Variants in SLC35F4 observed in about 807,000 individuals in gnomAD.
SLC35F4 encodes chromosome 14 open reading frame 36.
In SLC35F4, 24 loss-of-function variants were observed where a neutral mutation model predicts 44.2. The observed-to-expected ratio is 0.54, with a 90% CI of 0.39 to 0.76. SLC35F4 has a LOEUF of 0.76. Among genes scored for constraint, SLC35F4 ranks in the 30% least tolerant of loss-of-function variants. The pLI is 0.00. For synonymous variants in SLC35F4, 238 were observed against 223.6 expected, an observed-to-expected ratio of 1.06 and a Z score of -0.57; for missense variants, 562 against 586.1, an observed-to-expected ratio of 0.96 and a Z score of 0.42.
At chr14:57,618,580 G>A (rs755732861) in intron 1 of SLC35F4, among the ~76,000 whole-genome samples, 2 of 152,138 alleles carry the variant, frequency 1.3e-5, no homozygotes, top group East Asian at 3.9e-4. Context: ...ACACCACCAG[G>A]GCCCTGGATT....
intron 1 of SLC35F4, among the ~76,000 whole-genome samples, chr14:57,814,112 A>G (rs1034526926): frequency 3.9e-5 from 6 of 152,112 alleles, no homozygotes; most frequent in African/African-American, 1.2e-4. Context: ...TAAATAGTAA[A>G]CTTCTGAAAG....
chr14:57,579,843 G>A (rs1376244339), intron 4 of SLC35F4, among the ~76,000 whole-genome samples: 1 of 152,136 alleles, frequency 6.6e-6, no homozygotes, highest in South Asian at 2.1e-4. Context: ...CTCTGTTGTT[G>A]TTATCTTAAA....
intron 1 of SLC35F4, among the ~76,000 whole-genome samples, chr14:57,863,171 T>A (rs747299067): frequency 9.2e-5 from 14 of 152,240 alleles, no homozygotes; most frequent in Non-Finnish European, 1.8e-4. Context: ...CCACCTTTAA[T>A]CATCTTTGTA....
Position 57,616,449 on chromosome 14 carries a change from A to G in SLC35F4, c.104-22325T>C, listed in dbSNP as rs143592517. 1.6e-3 allele frequency among the ~76,000 whole-genome samples: 247 copies of G among 152,312 alleles called. 1 individual carries two copies. The highest frequency in any genetic ancestry group is 5.5e-3 in the African/African-American group (227 of 41,576). Reference sequence around the variant, plus strand: ...AAGTTGTGAATGTTTGAACTTTGTGATGTACATGCTCCCCTAGTAAAAAGC... The same window carrying G: ...AAGTTGTGAATGTTTGAACTTTGTGGTGTACATGCTCCCCTAGTAAAAAGC... On this transcript the variant is annotated intron_variant, in intron 1 of 7. Transcript: ENST00000556826.
At chr14:57,904,158 G>C (rs1307173757) in intron 1 of SLC35F4, among the ~76,000 whole-genome samples, 1 of 152,138 alleles carries the variant, frequency 6.6e-6, no homozygotes, top group African/African-American at 2.4e-5. Flanking sequence ...ATTTAAGCCT[G>C]GTCTGCACAA....
At chr14:57,912,248 A>G (rs961967619) in intron 1 of SLC35F4, among the ~76,000 whole-genome samples, 3 of 151,980 alleles carry the variant, frequency 2.0e-5, no homozygotes, top group Non-Finnish European at 4.4e-5. Flanking sequence ...TATTTTCAGT[A>G]TCACTAATTT....
intron 1 of SLC35F4, among the ~76,000 whole-genome samples, chr14:57,673,578 A>AT (rs775085498): frequency 2.6e-4 from 40 of 152,052 alleles, no homozygotes; most frequent in Non-Finnish European, 5.7e-4. Flanking sequence ...AGGGCAGCCT[A>AT]TCCCTATTCC....
chr14:57,873,971 A>G (rs921839364), intron 1 of SLC35F4, among the ~76,000 whole-genome samples: 3 of 152,228 alleles, frequency 2.0e-5, no homozygotes, highest in African/African-American at 7.2e-5. Context: ...CCATGACAAC[A>G]AGCACATAAA....
chr14:57,674,528 AAAAAG>A (rs1427593367), intron 1 of SLC35F4, among the ~76,000 whole-genome samples: 2 of 152,176 alleles, frequency 1.3e-5, no homozygotes, highest in African/African-American at 2.4e-5. Flanking sequence ...GCTCAGCAAT[AAAAAG>A]AAAAGAATTA....
chr14:57,705,111 T>C (rs993330049), intron 1 of SLC35F4, among the ~76,000 whole-genome samples: 1 of 152,166 alleles, frequency 6.6e-6, no homozygotes, highest in African/African-American at 2.4e-5. Flanking sequence ...GAGAATCAAA[T>C]GAATTAATAT....
At chr14:57,910,524 C>T (rs1340622564) in intron 1 of SLC35F4, among the ~76,000 whole-genome samples, 1 of 151,940 alleles carries the variant, frequency 6.6e-6, no homozygotes, top group African/African-American at 2.4e-5. Context: ...GAATGGATGT[C>T]CTGTTGTTCT....
intron 2 of SLC35F4, among the ~76,000 whole-genome samples, chr14:57,592,580 G>C (rs1355879191): frequency 6.6e-6 from 1 of 152,164 alleles, no homozygotes; most frequent in African/African-American, 2.4e-5. Flanking sequence ...TGGGGTAATA[G>C]GAATATTGCA....
intron 1 of SLC35F4, among the ~76,000 whole-genome samples, chr14:57,887,096 G>A (rs913480596): frequency 6.6e-6 from 1 of 152,214 alleles, no homozygotes; most frequent in Non-Finnish European, 1.5e-5. Context: ...TGTGGGGAAT[G>A]CAGGAATAAA....
chr14:57,660,100 C>T (rs2074091199), intron 1 of SLC35F4, among the ~76,000 whole-genome samples: 1 of 152,182 alleles, frequency 6.6e-6, no homozygotes, highest in South Asian at 2.1e-4. Flanking sequence ...ACTTGCATAT[C>T]TATTTGTGAG....
At chr14:57,814,122 G>A (rs896079048) in intron 1 of SLC35F4, among the ~76,000 whole-genome samples, 1 of 152,144 alleles carries the variant, frequency 6.6e-6, no homozygotes, top group Non-Finnish European at 1.5e-5. Context: ...ACTTCTGAAA[G>A]GCAGAAAATG....
intron 1 of SLC35F4, among the ~76,000 whole-genome samples, chr14:57,756,922 A>G (rs552298684): frequency 3.3e-5 from 5 of 152,148 alleles, no homozygotes; most frequent in East Asian, 1.9e-4. Flanking sequence ...ATGGCCTCCC[A>G]AAGTGTTGGG....
intron 5 of SLC35F4, among the ~76,000 whole-genome samples, chr14:57,570,805 T>C (rs1384618988): frequency 6.6e-6 from 1 of 152,230 alleles, no homozygotes; most frequent in Admixed American, 6.5e-5. Flanking sequence ...TCTGGTCATA[T>C]AGCAATCCCA....
At chr14:57,633,668 C>A (rs991637029) in intron 1 of SLC35F4, among the ~76,000 whole-genome samples, 5 of 152,078 alleles carry the variant, frequency 3.3e-5, no homozygotes, top group African/African-American at 1.2e-4. Flanking sequence ...CAAACTCTCT[C>A]ACGCTTTCCC....
At chr14:57,713,495 C>T (rs186616709) in intron 1 of SLC35F4, among the ~76,000 whole-genome samples, 1 of 152,322 alleles carries the variant, frequency 6.6e-6, no homozygotes, top group African/African-American at 2.4e-5. Context: ...CACACCTTTA[C>T]ACCATCAAAC....
Sources: gnomAD v4.1 joint callset for allele counts (sites outside exome capture counted in the v4.1 genomes callset) on GRCh38, gnomAD v4.1.1 for gene constraint, MANE v1.5 for transcripts, NCBI Gene and HGNC (gene_info 2026-07-23, HGNC 2026-07-21) for gene names.